Variants in CRYZL1 observed in about 807,000 individuals in gnomAD.
The protein encoded by CRYZL1 is crystallin zeta like 1, also known as ferry endosomal RAB5 effector complex subunit 4.
A neutral mutation model predicts 50.6 loss-of-function variants in CRYZL1; 34 were observed. The observed-to-expected ratio is 0.67, with a 90% CI of 0.51 to 0.89. CRYZL1 has a LOEUF of 0.89. CRYZL1 is among the 40% of genes least tolerant of loss of function. CRYZL1 has a pLI of 0.00. For synonymous variants in CRYZL1, 125 were observed against 134.3 expected (o/e 0.93, Z 0.48); for missense variants, 354 against 402.3 (o/e 0.88, Z 1.03).
intron 2 of CRYZL1, among the ~76,000 whole-genome samples, chr21:33,630,049 T>C (rs186418887): frequency 6.6e-6 from 1 of 152,202 alleles, no homozygotes; most frequent in Admixed American, 6.5e-5. Flanking sequence ...GATTTACTTA[T>C]GTTGAACTAT....
chr21:33,594,807 C>T (rs2086678131), intron 11 of CRYZL1: 1 of 141,218 alleles, frequency 7.1e-6, no homozygotes, highest in Non-Finnish European at 1.6e-5. Context: ...CATGCCCGGC[C>T]TACATAACTA....
intron 1 of CRYZL1, 120 bp from the exon 2 acceptor site, chr21:33,631,677 T>C (rs889095846): frequency 9.2e-5 from 48 of 523,574 alleles, no homozygotes; most frequent in Admixed American, 4.1e-4. Flanking sequence ...AGTTTTCAAA[T>C]AAGTAAATTT....
In CRYZL1 at chr21:33,599,234, C is replaced by T; in HGVS notation, c.592G>A (p.Val198Ile). 6.2e-7 allele frequency: 1 copy of T among 1,613,726 alleles called. No homozygotes were observed. The highest frequency in any genetic ancestry group is 8.5e-7 in the Non-Finnish European group (1 of 1,179,670). The change falls in exon 9 of 13, where the codon GTA becomes ATA. Residue 198 changes from valine (V) to isoleucine (I), a missense_variant. Transcript: ENST00000381554. ...GCAACATGAACTTTCCCATTAGATA[C>T]ATCAATCACTCGGGCTGTAAAGGAC... ...FRPPIARVIDVSNGKVHVAES... is the reference protein window; with the variant it reads ...FRPPIARVIDISNGKVHVAES...
chr21:33,631,481 C>A lies in CRYZL1; in HGVS notation c.66+5G>T. 1 of 1,509,604 alleles carries A rather than the reference C, an allele frequency of 6.6e-7. No individual in the cohort carries two copies. The highest frequency in any genetic ancestry group is 1.3e-5 in the South Asian group (1 of 75,866). 93.5% of individuals were successfully genotyped at this position (1,509,604 alleles called of 1,614,324 possible). On this transcript the variant is annotated splice_donor_5th_base_variant and intron_variant, in intron 2 of 12. Transcript: ENST00000381554. The stretch of plus-strand genomic sequence containing the variant: ...CTACTTTAATGATTAAACATTTTTT[C>A]TTACCTTTTCTTGAAATACAAATGT...
At chr21:33,615,950 C>G (rs1187439448) in intron 5 of CRYZL1, among the ~76,000 whole-genome samples, 3 of 152,126 alleles carry the variant, frequency 2.0e-5, no homozygotes, top group Non-Finnish European at 4.4e-5. Context: ...TTTTATTATA[C>G]TTTAAGTTTT....
At chr21:33,631,737 G>C (rs1346273706) in intron 1 of CRYZL1, among the ~76,000 whole-genome samples, 180 bp from the exon 2 acceptor site, 5 of 152,080 alleles carry the variant, frequency 3.3e-5, no homozygotes, top group African/African-American at 1.2e-4. Flanking sequence ...AACACTCTCT[G>C]GGCACCTGTC....
intron 9 of CRYZL1, among the ~76,000 whole-genome samples, chr21:33,597,758 G>A (rs973157599): frequency 3.9e-5 from 6 of 152,028 alleles, no homozygotes; most frequent in Non-Finnish European, 7.4e-5. Flanking sequence ...GACTACAAGC[G>A]CCGCCACCAT....
Position 33,624,768 on chromosome 21 carries a change from C to A in CRYZL1, c.67-8G>T. The A allele has an allele frequency of 6.3e-7, 1 of 1,586,148 alleles. No individual in the cohort carries two copies. The highest frequency in any genetic ancestry group is 1.2e-5 in the South Asian group (1 of 85,562). ...TGTAACAGGAAGATCTTCCTAGAAC[C>A]AAATGATAACAAAACAATATGTTAT... On this transcript the variant is annotated splice_polypyrimidine_tract_variant and splice_region_variant and intron_variant, in intron 2 of 12. Transcript: ENST00000381554.
rs150396265 is a variant in CRYZL1 at position 33,614,657 on chromosome 21, C to T, written c.263-1051G>A. ...CGCGATCTCAGCCCACTGCAACCTC[C>T]GCCTCCTGGGTTCAAGCGATTCTCC... On this transcript the variant is annotated intron_variant, in intron 5 of 12. Coordinates refer to ENST00000381554, the MANE Select transcript of CRYZL1 (RefSeq NM_145858.3). 3.6e-3 allele frequency among the ~76,000 whole-genome samples: 552 copies of T among 152,204 alleles called. 4 individuals carry two copies. Among genetic ancestry groups the T allele is most frequent in the African/African-American group, 0.012 (507 of 41,534 alleles).
chr21:33,608,284 G>T (rs8130229), intron 6 of CRYZL1, among the ~76,000 whole-genome samples: 1 of 152,060 alleles, frequency 6.6e-6, no homozygotes, highest in Non-Finnish European at 1.5e-5. Context: ...GAGAAACCCC[G>T]TCTCTACTAA....
intron 3 of CRYZL1, 74 bp downstream of exon 3, chr21:33,624,609 T>C: frequency 6.4e-7 from 1 of 1,561,038 alleles, no homozygotes; most frequent in Non-Finnish European, 8.6e-7. Flanking sequence ...AGAGGTCAGT[T>C]ATCGTTATAT....
Position 33,624,721 on chromosome 21 carries a change from G to C in CRYZL1, c.106C>G (p.Gln36Glu), listed in dbSNP as rs2145951507. Reference sequence around the variant, plus strand: ...TGGCTCAGAGCACAAGCTTTAACTTGAAGTTTCACAAAGTTATCCTCTGTA... The same window carrying C: ...TGGCTCAGAGCACAAGCTTTAACTTCAAGTTTCACAAAGTTATCCTCTGTA... ...PVTEDNFVKL[Q>E]VKACALSQIN... Residue 36 changes from glutamine to glutamate, a missense_variant, in exon 3 of 13, where the codon CAA (glutamine) becomes GAA (glutamate). Transcript: ENST00000381554. 6.3e-7 allele frequency: 1 copy of C among 1,596,600 alleles called. No individual in the cohort carries two copies. Among genetic ancestry groups the C allele is most frequent in the Non-Finnish European group, 8.5e-7 (1 of 1,175,750 alleles).
At chr21:33,599,858 C>T (rs181173933) in intron 8 of CRYZL1, among the ~76,000 whole-genome samples, 2 of 152,024 alleles carry the variant, frequency 1.3e-5, no homozygotes, top group African/African-American at 2.4e-5. Flanking sequence ...TATTTTTGAA[C>T]TCTTGGCTTC....
chr21:33,626,893 T>C (rs1408803012), intron 2 of CRYZL1, among the ~76,000 whole-genome samples: 1 of 152,156 alleles, frequency 6.6e-6, no homozygotes, highest in Non-Finnish European at 1.5e-5. Context: ...GAATAGCCAC[T>C]TACATAGCCC....
intron 6 of CRYZL1, among the ~76,000 whole-genome samples, chr21:33,606,879 C>A (rs1005986119): frequency 6.6e-6 from 1 of 151,392 alleles, no homozygotes; most frequent in Non-Finnish European, 1.5e-5. Context: ...GGCGTGGTGG[C>A]GCATGCCTGT....
At chr21:33,635,282 T>C (rs1466736679) in intron 1 of CRYZL1, among the ~76,000 whole-genome samples, 3 of 152,090 alleles carry the variant, frequency 2.0e-5, no homozygotes, top group African/African-American at 4.8e-5. Flanking sequence ...CCAAGTCTCA[T>C]GTTATTTAAT....
At chr21:33,605,527 A>ACTTTTTTTTTTTTTTTTTT (rs2086801915) in intron 6 of CRYZL1, among the ~76,000 whole-genome samples, 1 of 14,840 alleles carries the variant, frequency 6.7e-5, no homozygotes, top group East Asian at 4.2e-3. Flanking sequence ...CAGTACAAGA[A>ACTTTTTTTTTTTTTTTTTT]TTCTTTTTTT....
chr21:33,595,814 C>A lies in CRYZL1; in HGVS notation c.821G>T (p.Cys274Phe). 6.2e-7 allele frequency: 1 copy of A among 1,613,590 alleles called. No individual in the cohort carries two copies. Residue 274 changes from cysteine (C) to phenylalanine (F), a missense_variant, in exon 11 of 13, where the codon TGC (cysteine) becomes TTC (phenylalanine). Physicochemically the swap from Cys to Phe is radical, Grantham distance 205 (BLOSUM62 -2). Coordinates refer to ENST00000381554, the MANE Select transcript of CRYZL1 (RefSeq NM_145858.3). The stretch of plus-strand genomic sequence containing the variant: ...TAACGTTGCTCCCTTGAGGAAAAGG[C>A]AGTGGCTATCTGGAGGATCCAACTT... Reference protein sequence around the residue: ...NLQLDPPDSHCLFLKGATLAF... With the variant: ...NLQLDPPDSHFLFLKGATLAF...
At chr21:33,626,615 T>C (rs1268247556) in intron 2 of CRYZL1, among the ~76,000 whole-genome samples, 1 of 151,168 alleles carries the variant, frequency 6.6e-6, no homozygotes, top group Non-Finnish European at 1.5e-5. Flanking sequence ...GAGAACTGCT[T>C]GAACCCAGGA....
Sources: gnomAD v4.1 joint callset for allele counts (sites outside exome capture counted in the v4.1 genomes callset) on GRCh38, gnomAD v4.1.1 for gene constraint, MANE v1.5 for transcripts, NCBI Gene and HGNC (gene_info 2026-07-23, HGNC 2026-07-21) for gene names.